SEMA3E: variants seen among roughly 807,000 people sequenced by gnomAD.
The protein encoded by SEMA3E is semaphorin-3E.
A neutral mutation model predicts 93.6 loss-of-function variants in SEMA3E; 49 were observed. That is an observed-to-expected ratio of 0.52 (90% CI 0.42 to 0.66). The LOEUF (loss-of-function observed/expected upper bound fraction) is 0.66. Ranked by LOEUF, SEMA3E falls within the 30% of genes least tolerant of loss-of-function variation. The pLI, the probability that SEMA3E is intolerant of heterozygous loss-of-function variation, is 0.00. For synonymous variants in SEMA3E, 363 were observed against 330.7 expected, an observed-to-expected ratio of 1.10 and a Z score of -1.06; for missense variants, 906 against 964.8, an observed-to-expected ratio of 0.94 and a Z score of 0.81.
At chr7:83,640,156 T>C (rs537705005) in intron 1 of SEMA3E, among the ~76,000 whole-genome samples, 1 of 152,304 alleles carries the variant, frequency 6.6e-6, no homozygotes, top group African/African-American at 2.4e-5. Flanking sequence ...ATTCTCATTT[T>C]CTTTGCTGCT....
At chr7:83,600,068 T>A (rs1792954439) in intron 1 of SEMA3E, among the ~76,000 whole-genome samples, 1 of 152,192 alleles carries the variant, frequency 6.6e-6, no homozygotes, top group Admixed American at 6.5e-5. Flanking sequence ...ATGATATGGC[T>A]CCCAATCTAC....
At chr7:83,461,763 CA>C (rs1484780991) in intron 4 of SEMA3E, among the ~76,000 whole-genome samples, 4 of 152,172 alleles carry the variant, frequency 2.6e-5, no homozygotes, top group African/African-American at 9.7e-5. Flanking sequence ...TCAAACCCCA[CA>C]ACAGGATTTA....
intron 1 of SEMA3E, among the ~76,000 whole-genome samples, chr7:83,490,956 T>C (rs968161416): frequency 1.3e-5 from 2 of 152,086 alleles, no homozygotes; most frequent in African/African-American, 4.8e-5. Flanking sequence ...TAATTGCATA[T>C]GGCAGTTTAG....
intron 1 of SEMA3E, among the ~76,000 whole-genome samples, chr7:83,640,657 TAAAC>T (rs1793989817): frequency 6.6e-6 from 1 of 152,194 alleles, no homozygotes; most frequent in African/African-American, 2.4e-5. Context: ...TTTATTGTGT[TAAAC>T]AAAAATGAAA....
chr7:83,596,728 G>A (rs215318), intron 1 of SEMA3E, among the ~76,000 whole-genome samples: 38,587 of 151,638 alleles, frequency 0.25, 4,951 homozygotes, highest in Middle Eastern at 0.3. Flanking sequence ...TCTTTTTATT[G>A]AAGCCCCAAT....
chr7:83,454,427 G>A (rs1789441232), intron 4 of SEMA3E, among the ~76,000 whole-genome samples: 1 of 151,512 alleles, frequency 6.6e-6, no homozygotes, highest in Non-Finnish European at 1.5e-5. Context: ...AAAGAAAGTG[G>A]TTTGTAAAAT....
chr7:83,504,391 C>T (rs895373691), intron 1 of SEMA3E, among the ~76,000 whole-genome samples: 1 of 152,174 alleles, frequency 6.6e-6, no homozygotes, highest in South Asian at 2.1e-4. Context: ...GTGTTATTTA[C>T]CATTACTTCA....
intron 1 of SEMA3E, among the ~76,000 whole-genome samples, chr7:83,647,512 A>T (rs969930463): frequency 2.0e-5 from 3 of 152,124 alleles, no homozygotes; most frequent in African/African-American, 4.8e-5. Flanking sequence ...TTTATTCCGA[A>T]TTTATATTAA....
chr7:83,402,484 T>A (rs528625984), intron 10 of SEMA3E, 148 bp downstream of exon 10: 1 of 668,238 alleles, frequency 1.5e-6, no homozygotes, highest in African/African-American at 1.8e-5. Flanking sequence ...GAAGGAATAT[T>A]TTTTTACTAC....
intron 1 of SEMA3E, among the ~76,000 whole-genome samples, chr7:83,566,674 T>G (rs2115853416): frequency 1.3e-5 from 2 of 152,302 alleles, no homozygotes; most frequent in East Asian, 3.9e-4. Flanking sequence ...TTTTAACATG[T>G]TTTGAAAAAT....
At chr7:83,618,066 T>C (rs1289112965) in intron 1 of SEMA3E, among the ~76,000 whole-genome samples, 1 of 152,090 alleles carries the variant, frequency 6.6e-6, no homozygotes, top group Non-Finnish European at 1.5e-5. Flanking sequence ...AGTGGGATGG[T>C]AGATGACAGA....
At chr7:83,539,725 T>C (rs150321405) in intron 1 of SEMA3E, among the ~76,000 whole-genome samples, 2,112 of 152,294 alleles carry the variant, frequency 0.014, 27 homozygotes, top group Non-Finnish European at 0.021. Flanking sequence ...TTATCCTTCA[T>C]TGGGATTATT....
intron 1 of SEMA3E, among the ~76,000 whole-genome samples, chr7:83,499,995 GA>G (rs1456286203): frequency 6.6e-6 from 1 of 152,110 alleles, no homozygotes. Context: ...ACCCAAAATA[GA>G]GCACTTATTT....
At chr7:83,595,340 A>G (rs562091266) in intron 1 of SEMA3E, among the ~76,000 whole-genome samples, 4 of 151,944 alleles carry the variant, frequency 2.6e-5, no homozygotes, top group African/African-American at 9.6e-5. Context: ...TTATTTTCAG[A>G]TTAGTTTATA....
At chr7:83,510,376 C>T (rs1019430645) in intron 1 of SEMA3E, among the ~76,000 whole-genome samples, 2 of 152,156 alleles carry the variant, frequency 1.3e-5, no homozygotes, top group African/African-American at 2.4e-5. Context: ...AGGATTTTAA[C>T]TGTATTGTGT....
At chr7:83,519,083 T>C (rs1049748478) in intron 1 of SEMA3E, among the ~76,000 whole-genome samples, 5 of 152,126 alleles carry the variant, frequency 3.3e-5, no homozygotes, top group South Asian at 4.2e-4. Context: ...AACTCGTCAT[T>C]TAGCATTAGG....
chr7:83,482,625 C>G (rs1315117732), intron 2 of SEMA3E, among the ~76,000 whole-genome samples: 1 of 146,628 alleles, frequency 6.8e-6, no homozygotes, highest in African/African-American at 2.5e-5. Flanking sequence ...AACAGATTTA[C>G]TGGTGGAAGA....
chr7:83,608,127 T>C (rs1584361422), intron 1 of SEMA3E, among the ~76,000 whole-genome samples: 1 of 151,800 alleles, frequency 6.6e-6, no homozygotes, highest in African/African-American at 2.4e-5. Flanking sequence ...GCAGGAGAAG[T>C]ACTTGAACCC....
intron 4 of SEMA3E, among the ~76,000 whole-genome samples, chr7:83,460,822 C>T (rs1417799655): frequency 6.6e-6 from 1 of 151,382 alleles, no homozygotes; most frequent in African/African-American, 2.4e-5. Context: ...TCTCTGTGCC[C>T]CAACCCCTTT....
Sources: allele counts gnomAD v4.1 joint callset (sites outside exome capture counted in the v4.1 genomes callset), GRCh38; gene constraint gnomAD v4.1.1; transcripts MANE v1.5; gene names NCBI Gene and HGNC (gene_info 2026-07-23, HGNC 2026-07-21).